Variants in BCAS3 observed in about 807,000 individuals in gnomAD.
BCAS3 encodes BCAS4/BCAS3 fusion.
Under a neutral mutation model 116.1 loss-of-function variants are expected in BCAS3, and 53 were observed. The ratio of observed to expected loss-of-function variants is 0.46; its 90% CI spans 0.37 to 0.57. The LOEUF (loss-of-function observed/expected upper bound fraction) is 0.57, where lower values mean the gene tolerates loss of function less well. Ranked by LOEUF, BCAS3 falls within the 20% of genes least tolerant of loss-of-function variation. The pLI, the probability that BCAS3 is intolerant of heterozygous loss-of-function variation, is 0.00. For missense variants in BCAS3, 917 were observed against 1,165.4 expected, an observed-to-expected ratio of 0.79 and a Z score of 3.10; for synonymous variants, 391 against 408.2, an observed-to-expected ratio of 0.96 and a Z score of 0.51.
chr17:61,045,837 C>CTA (rs2068009274), intron 19 of BCAS3, among the ~76,000 whole-genome samples: 1 of 6,614 alleles, frequency 1.5e-4, no homozygotes, highest in Non-Finnish European at 2.6e-4. Context: ...CTCTCTCTCT[C>CTA]TCTCTCTCTC....
chr17:60,740,658 A>AT (rs1030018562), intron 5 of BCAS3, among the ~76,000 whole-genome samples: 3 of 151,942 alleles, frequency 2.0e-5, no homozygotes, highest in African/African-American at 7.3e-5. Context: ...GTTTCTCATT[A>AT]TTTTTTTGAG....
rs559996767 is a variant in BCAS3, at chr17:61,251,399, T to C, written c.2426-116928T>C. Among the ~76,000 whole-genome samples the C allele has an allele frequency of 3.0e-4, 46 of 151,982 alleles. No homozygotes were observed. Among genetic ancestry groups the C allele is most frequent in the African/African-American group, 1.1e-3 (44 of 41,454 alleles). On this transcript the variant is annotated intron_variant, in intron 22 of 23. Transcript: ENST00000407086. This position sits in a 1 kb window ranked among gnomAD's most constrained non-coding sequence, Gnocchi z 4.7. ...TCCTGGCCAATATGGCGAAACCCCG[T>C]CTCTACTAAAAATACAAAAAATTAG...
At chr17:60,945,670 G>T (rs536428415) in intron 13 of BCAS3, among the ~76,000 whole-genome samples, 1 of 151,566 alleles carries the variant, frequency 6.6e-6, no homozygotes, top group Non-Finnish European at 1.5e-5. Flanking sequence ...GCATGGTGGC[G>T]CACACCTGTA....
intron 7 of BCAS3, among the ~76,000 whole-genome samples, chr17:60,857,063 C>A (rs1393599677): frequency 6.6e-6 from 1 of 152,130 alleles, no homozygotes; most frequent in Non-Finnish European, 1.5e-5. Context: ...AAAATTTCAA[C>A]ACACATGCTC....
At chr17:61,014,138 A>T (rs1028048650) in intron 15 of BCAS3, among the ~76,000 whole-genome samples, 1 of 152,144 alleles carries the variant, frequency 6.6e-6, no homozygotes, top group Non-Finnish European at 1.5e-5. Context: ...ATCTATTGCT[A>T]ACCACATAAA....
chr17:60,980,251 C>G (rs1568025120), intron 14 of BCAS3, among the ~76,000 whole-genome samples: 1 of 152,146 alleles, frequency 6.6e-6, no homozygotes, highest in Non-Finnish European at 1.5e-5. Context: ...TATATTTCCC[C>G]TATGGAAATT....
chr17:61,345,026 A>T (rs2057419653), intron 22 of BCAS3, among the ~76,000 whole-genome samples: 5 of 152,122 alleles, frequency 3.3e-5, no homozygotes, highest in Admixed American at 1.3e-4. Flanking sequence ...ATTATAAACC[A>T]TCCGCCTGGG....
At chr17:60,915,367 G>A (rs2058726106) in intron 12 of BCAS3, among the ~76,000 whole-genome samples, 1 of 152,096 alleles carries the variant, frequency 6.6e-6, no homozygotes, top group South Asian at 2.1e-4. Flanking sequence ...GTGTGTTTAT[G>A]TGGGCATGTA....
In BCAS3 at chr17:60,808,068, A is replaced by G; in HGVS notation, c.468A>G (p.Gly156=). 1 of 1,600,548 alleles carries G rather than the reference A, an allele frequency of 6.2e-7. No homozygotes were observed. The highest frequency in any genetic ancestry group is 8.5e-7 in the Non-Finnish European group (1 of 1,171,914). ...TCCTTGGTGTTTGTAAGAGCATTGG[A>G]TCTTCTGGGTAAGGAAATTTTAAAA... The part of the protein sequence containing the change: ...RPLLGVCKSI[G]SSGTSPPYCC... Residue 156 remains glycine, a synonymous_variant, in exon 7 of 24, where the codon GGA becomes GGG. Coordinates refer to ENST00000407086, the MANE Select transcript of BCAS3 (RefSeq NM_017679.5).
rs915317346 is a variant in BCAS3, at chr17:61,131,899, A to G, written c.2425+47335A>G. Among the ~76,000 whole-genome samples, 3 of 152,204 alleles carry G rather than the reference A, an allele frequency of 2.0e-5. No homozygotes were observed. The highest frequency in any genetic ancestry group is 1.9e-4 in the East Asian group (1 of 5,200). On this transcript the variant is annotated intron_variant, in intron 22 of 23. Coordinates refer to ENST00000407086, the MANE Select transcript of BCAS3 (RefSeq NM_017679.5). This position sits in a 1 kb window ranked among gnomAD's most constrained non-coding sequence, Gnocchi z 4.4. ...AAGGAGGTAGTGGTAGCCAAAGGAA[A>G]TATTTCTTCTTTGTTGTTTATTTCT...
chr17:60,798,431 G>A (rs1245407241), intron 6 of BCAS3, among the ~76,000 whole-genome samples: 1 of 152,138 alleles, frequency 6.6e-6, no homozygotes, highest in Admixed American at 6.5e-5. Context: ...TTCCCAAAAT[G>A]TCATGTAGTT....
At chr17:60,814,290 T>TGCGCGCGCGC (rs1484417625) in intron 7 of BCAS3, among the ~76,000 whole-genome samples, 8 of 128,126 alleles carry the variant, frequency 6.2e-5, no homozygotes, top group African/African-American at 1.8e-4. Context: ...TGTGTGTGTG[T>TGCGCGCGCGC]GTGTGTGTGT....
At chr17:60,751,191 C>T (rs1654756661) in intron 6 of BCAS3, among the ~76,000 whole-genome samples, 1 of 152,146 alleles carries the variant, frequency 6.6e-6, no homozygotes. Context: ...GTCAACACAG[C>T]TTATGCATCC....
intron 22 of BCAS3, among the ~76,000 whole-genome samples, chr17:61,293,880 C>T (rs1343022325): frequency 6.6e-6 from 1 of 152,228 alleles, no homozygotes; most frequent in African/African-American, 2.4e-5. Context: ...CCCACTTCAG[C>T]CTCCCAGGTG....
intron 4 of BCAS3, among the ~76,000 whole-genome samples, chr17:60,703,686 G>T (rs529605833): frequency 6.8e-4 from 103 of 150,834 alleles, no homozygotes; most frequent in African/African-American, 2.4e-3. Flanking sequence ...AGGCCGAGGC[G>T]GGTGGATCAC....
chr17:60,959,123 A>G (rs1206507961), intron 14 of BCAS3, among the ~76,000 whole-genome samples: 1 of 151,910 alleles, frequency 6.6e-6, no homozygotes, highest in Non-Finnish European at 1.5e-5. Flanking sequence ...TGGGGAACAT[A>G]GAAAGACTCT....
In BCAS3 at chr17:61,095,736, G is replaced by A. The variant is rs1313602580; in HGVS notation, c.2425+11172G>A. On this transcript the variant is annotated intron_variant, in intron 22 of 23. Transcript: ENST00000407086. The surrounding 1 kb of genome is among the most constrained non-coding windows in gnomAD (Gnocchi z 4.7). ...CCCACCTTGGCTTCCCAAAGTGCTG[G>A]GATTACAGGTATTAGCCACCGCACC... is the stretch of plus-strand genomic sequence containing the variant. Among the ~76,000 whole-genome samples, 2 of 151,756 alleles carry A rather than the reference G, an allele frequency of 1.3e-5. No homozygotes were observed. Among genetic ancestry groups the A allele is most frequent in the African/African-American group, 4.8e-5 (2 of 41,298 alleles).
At chr17:60,685,875 C>CT (rs1555657079) in intron 3 of BCAS3, among the ~76,000 whole-genome samples, 6,946 of 151,610 alleles carry the variant, frequency 0.046, 566 homozygotes, top group African/African-American at 0.16. Context: ...TTATATTAGA[C>CT]ATTTTTTTTT....
At chr17:61,102,080 C>T (rs1473472564) in intron 22 of BCAS3, among the ~76,000 whole-genome samples, 1 of 152,012 alleles carries the variant, frequency 6.6e-6, no homozygotes, top group Non-Finnish European at 1.5e-5. Flanking sequence ...ACTAAGGAAC[C>T]TCCTGAATGC....
Sources: gnomAD v4.1 joint callset for allele counts (sites outside exome capture counted in the v4.1 genomes callset) on GRCh38, gnomAD v4.1.1 for gene constraint, Gnocchi (gnomAD v3.1) non-coding constraint, MANE v1.5 for transcripts, NCBI Gene and HGNC (gene_info 2026-07-23, HGNC 2026-07-21) for gene names.